Variants in PIGF observed in about 807,000 individuals in gnomAD.
The protein encoded by PIGF is GPI ethanolamine phosphate transferase, stabilizing subunit.
A neutral mutation model predicts 26.0 loss-of-function variants in PIGF; 23 were observed. The ratio of observed to expected loss-of-function variants is 0.88; its 90% confidence interval spans 0.64 to 1.25. The LOEUF is 1.25. Among genes scored for constraint, PIGF ranks in the 50% most tolerant of loss-of-function variants. The probability of loss-of-function intolerance (pLI) is 0.00; values close to 1 mark genes in which losing one functional copy is unlikely to be tolerated. For missense variants in PIGF, 278 were observed against 249.9 expected (o/e 1.11, Z -0.76); for synonymous variants, 93 against 92.6 (o/e 1.00, Z -0.03).
chr2:46,597,505 T>C (rs2104096236), intron 4 of PIGF, among the ~76,000 whole-genome samples: 1 of 152,068 alleles, frequency 6.6e-6, no homozygotes, highest in Admixed American at 6.5e-5. Flanking sequence ...GTCTGCCTCC[T>C]GGGCTCAAGC....
rs887832172 is a variant in PIGF, at chr2:46,589,827, T to C, written c.546+2648A>G. On this transcript the variant is annotated intron_variant, in intron 5 of 5. Coordinates refer to ENST00000281382, the MANE Select transcript of PIGF (RefSeq NM_002643.4). The surrounding 1 kb of genome is among the most constrained non-coding windows in gnomAD (Gnocchi z 4.7). The stretch of plus-strand genomic sequence containing the variant: ...CTGTGGAGTTAGAATTATTAAAAAA[T>C]AACAATAACAAAAAAACAAACAACC... Among the ~76,000 whole-genome samples, 1 of 151,192 alleles carries C rather than the reference T, an allele frequency of 6.6e-6. No individual in the cohort carries two copies. Among genetic ancestry groups the C allele is most frequent in the Non-Finnish European group, 1.5e-5 (1 of 67,676 alleles).
chr2:46,598,971 A>G (rs1256051042), intron 4 of PIGF, among the ~76,000 whole-genome samples: 4 of 152,196 alleles, frequency 2.6e-5, no homozygotes, highest in African/African-American at 9.6e-5. Flanking sequence ...CCTTTAGAGA[A>G]TCCCAAAATG....
At chr2:46,587,487 T>G (rs1229323005) in intron 5 of PIGF, among the ~76,000 whole-genome samples, 1 of 152,012 alleles carries the variant, frequency 6.6e-6, no homozygotes, top group Non-Finnish European at 1.5e-5. Flanking sequence ...GCCTCATTTA[T>G]CTGGTGTCTG....
chr2:46,616,963 G>C lies in PIGF; in HGVS notation c.-22+7C>G. The C allele has an allele frequency of 1.9e-6, 1 of 517,292 alleles. No homozygotes were observed. The highest frequency in any genetic ancestry group is 2.1e-5 in the South Asian group (1 of 47,996). 32.0% of individuals were successfully genotyped at this position (517,292 alleles called of 1,614,324 possible). ...GCGAGACGCCGAGGGCGTCCAGCGG[G>C]GCTTACCTAACTCTCCCTCCCGCGG... On this transcript the variant is annotated splice_region_variant and intron_variant, in intron 1 of 5. Transcript: ENST00000281382.
rs1670662247 is a variant in PIGF, at chr2:46,616,975, T to G, written c.-27A>C. ...GGGCGTCCAGCGGGGCTTACCTAAC[T>G]CTCCCTCCCGCGGAAGGGAAGCGGG... On this transcript the variant is annotated 5_prime_UTR_variant, in exon 1 of 6. Coordinates refer to ENST00000281382, the MANE Select transcript of PIGF (RefSeq NM_002643.4). 7.5e-6 allele frequency: 4 copies of G among 532,462 alleles called. No homozygotes were observed. The Admixed American group carries it at 1.0e-4, about 14-fold the overall frequency. 33.0% of individuals were successfully genotyped at this position (532,462 alleles called of 1,614,324 possible).
intron 5 of PIGF, among the ~76,000 whole-genome samples, chr2:46,592,132 G>T (rs1004355060): frequency 6.6e-6 from 1 of 152,180 alleles, no homozygotes; most frequent in Admixed American, 6.5e-5. Context: ...CAGGAAGATC[G>T]TTTAGGCCCA....
At chr2:46,607,194 G>C (rs113189930) in intron 4 of PIGF, among the ~76,000 whole-genome samples, 3 of 152,120 alleles carry the variant, frequency 2.0e-5, no homozygotes, top group Non-Finnish European at 2.9e-5. Context: ...AGTTTACTAC[G>C]TGTCATGAGC....
At chr2:46,614,778 C>G (rs1181837475) in intron 2 of PIGF, 159 bp downstream of exon 2, 1 of 556,142 alleles carries the variant, frequency 1.8e-6, no homozygotes, top group African/African-American at 1.9e-5. Context: ...TTGTGGGCAG[C>G]CTTCCACCAA....
chr2:46,613,983 C>T, intron 2 of PIGF, 198 bp from the exon 3 acceptor site: 1 of 486,448 alleles, frequency 2.1e-6, no homozygotes, highest in Non-Finnish European at 3.7e-6. Context: ...GCCTAAAAGG[C>T]AAATACCACC....
At chr2:46,615,693 T>A (rs1451591326) in intron 1 of PIGF, 1 of 154,214 alleles carries the variant, frequency 6.5e-6, no homozygotes, top group African/African-American at 2.4e-5. Context: ...TCACATCTTC[T>A]AGCAAATGCC....
intron 4 of PIGF, among the ~76,000 whole-genome samples, chr2:46,605,052 C>T (rs1572780688): frequency 2.0e-5 from 3 of 151,900 alleles, no homozygotes; most frequent in African/African-American, 7.2e-5. Flanking sequence ...ATGCTAACTA[C>T]ATATTGGAGC....
intron 4 of PIGF, among the ~76,000 whole-genome samples, chr2:46,598,718 C>T (rs1669966367): frequency 6.6e-6 from 1 of 152,018 alleles, no homozygotes; most frequent in African/African-American, 2.4e-5. Context: ...ATAGTTATAG[C>T]TTCTTTTTGA....
At position 46,595,990 on chromosome 2, in the gene PIGF, G is replaced by A. The variant is rs548565388; in HGVS notation, c.438-3407C>T. On this transcript the variant is annotated intron_variant, in intron 4 of 5. Coordinates refer to ENST00000281382, the MANE Select transcript of PIGF (RefSeq NM_002643.4). ...AACACTTCAGGACGCAGAGGCGGGC[G>A]GATCACAAGGTCAGGAGTTCGAGAC... is the stretch of plus-strand genomic sequence containing the variant. 9.9e-5 allele frequency among the ~76,000 whole-genome samples: 15 copies of A among 152,058 alleles called. No homozygotes were observed. The South Asian group carries it at 1.0e-3, about 11-fold the overall frequency.
At chr2:46,597,152 T>C (rs1397349169) in intron 4 of PIGF, among the ~76,000 whole-genome samples, 1 of 152,172 alleles carries the variant, frequency 6.6e-6, no homozygotes, top group Non-Finnish European at 1.5e-5. Flanking sequence ...ATCTTGTGAA[T>C]TCCCTTTGCC....
chr2:46,614,050 A>C (rs576507003), intron 2 of PIGF: 5 of 331,934 alleles, frequency 1.5e-5, no homozygotes, highest in Non-Finnish European at 2.8e-5. Context: ...TTCTGTTTCC[A>C]TGGTAATATA....
chr2:46,583,382 C>G (rs1032233002), intron 5 of PIGF, among the ~76,000 whole-genome samples: 6 of 152,042 alleles, frequency 3.9e-5, no homozygotes, highest in African/African-American at 1.4e-4. Flanking sequence ...TTTTCTTATT[C>G]ACAGTAATCA....
At position 46,589,139 on chromosome 2, in the gene PIGF, T is replaced by A. The variant is rs1669659608; in HGVS notation, c.546+3336A>T. Among the ~76,000 whole-genome samples, 1 of 152,098 alleles carries A rather than the reference T, an allele frequency of 6.6e-6. No homozygotes were observed. The highest frequency in any genetic ancestry group is 2.1e-4 in the South Asian group (1 of 4,832). On this transcript the variant is annotated intron_variant, in intron 5 of 5. Transcript: ENST00000281382. This position sits in a 1 kb window ranked among gnomAD's most constrained non-coding sequence, Gnocchi z 4.7. The stretch of plus-strand genomic sequence containing the variant: ...ACAACAACAAAGATGACCAACAGTA[T>A]AATGGGTAGCTACCCTACCATATTC...
At chr2:46,615,331 A>C (rs534637134) in intron 1 of PIGF, 146 bp from the exon 2 acceptor site, 41 of 536,382 alleles carry the variant, frequency 7.6e-5, no homozygotes, top group African/African-American at 6.8e-4. Flanking sequence ...AGACGTGTAG[A>C]TGCACATACA....
Position 46,613,751 on chromosome 2 carries a change from AG to A in PIGF, c.262del (p.Met89CysfsTer8). 1.3e-6 allele frequency: 2 copies of A among 1,553,820 alleles called. No homozygotes were observed. The highest frequency in any genetic ancestry group is 1.8e-6 in the Non-Finnish European group (2 of 1,130,376). ...TACATGAAAGGAGAAACAAGACATA[AG>A]AAAGTAGATACAGCATTTCAAAAAT... ...TGFLKCCIYF[L>X]MSCFSFHVIF... is the part of the protein sequence containing the mutation. On this transcript the variant is annotated frameshift_variant, in exon 3 of 6. Transcript: ENST00000281382. LOFTEE classifies it high-confidence loss of function.
Sources: gnomAD v4.1 joint callset for allele counts (sites outside exome capture counted in the v4.1 genomes callset) on GRCh38, gnomAD v4.1.1 for gene constraint, Gnocchi (gnomAD v3.1) non-coding constraint, MANE v1.5 for transcripts, NCBI Gene and HGNC (gene_info 2026-07-23, HGNC 2026-07-21) for gene names.